GABRA3: variants seen among roughly 807,000 people sequenced by gnomAD.
The protein encoded by GABRA3 is gamma-aminobutyric acid type A receptor subunit alpha3.
In GABRA3, 10 loss-of-function variants were observed where a neutral mutation model predicts 30.1. The ratio of observed to expected loss-of-function variants is 0.33; its 90% confidence interval spans 0.20 to 0.56. The LOEUF is 0.56. Ranked by LOEUF, GABRA3 falls within the 20% of genes least tolerant of loss-of-function variation. GABRA3 has a pLI of 0.89. For synonymous variants in GABRA3, 151 were observed against 146.8 expected, an observed-to-expected ratio of 1.03 and a Z score of -0.21; for missense variants, 233 against 392.0, an observed-to-expected ratio of 0.59 and a Z score of 3.42.
intron 1 of GABRA3, among the ~76,000 whole-genome samples, chrX:152,385,538 AGGTTGCCT>A (rs1414082623): frequency 8.9e-6 from 1 of 111,961 alleles, no homozygotes; most frequent in Non-Finnish European, 1.9e-5. Context: ...CCCATTTTGT[AGGTTGCCT>A]GTTCACTCTG....
chrX:152,180,261 C>A (rs1016974102), intron 9 of GABRA3, among the ~76,000 whole-genome samples: 1 of 111,977 alleles, frequency 8.9e-6, no homozygotes, highest in African/African-American at 3.2e-5. Flanking sequence ...GAGGTGATAT[C>A]TCATTGTGGT....
chrX:152,373,211 T>A (rs1928891993), intron 1 of GABRA3, among the ~76,000 whole-genome samples: 1 of 111,684 alleles, frequency 9.0e-6, no homozygotes, highest in South Asian at 3.8e-4. Context: ...GCCATGATAG[T>A]TTGCTGCACA....
At chrX:152,175,721 G>C (rs185573098) in intron 9 of GABRA3, among the ~76,000 whole-genome samples, 10 of 111,363 alleles carry the variant, frequency 9.0e-5, no homozygotes, top group Non-Finnish European at 1.5e-4. Flanking sequence ...CATAGAGAAA[G>C]AATGGTAATG....
At chrX:152,232,133 A>G (rs2124388911) in intron 5 of GABRA3, among the ~76,000 whole-genome samples, 1 of 111,696 alleles carries the variant, frequency 9.0e-6, no homozygotes, top group Admixed American at 9.6e-5. Flanking sequence ...ATGTAAAATA[A>G]ATTTTATAAT....
rs200594582 is a variant in GABRA3, at chrX:152,168,584, G to C, written c.1144-21C>G. The stretch of plus-strand genomic sequence containing the variant: ...TTCTTCTAGAGGCCAGGAAAAAGAG[G>C]GGGGGAAAGGGAGAAAAAAGCAAAG... On this transcript the variant is annotated intron_variant, in intron 9 of 9. Coordinates refer to ENST00000370314, the MANE Select transcript of GABRA3 (RefSeq NM_000808.4). 209 of 1,115,295 alleles carry C rather than the reference G, an allele frequency of 1.9e-4. No homozygotes were observed. In the African/African-American group the frequency reaches 2.9e-3, roughly 16 times the overall value. 91.9% of individuals were successfully genotyped at this position (1,115,295 alleles called of 1,213,427 possible). A position where few individuals can be genotyped will look rare whatever the true frequency, so the allele number is the denominator to read the frequency against.
chrX:152,393,521 T>C (rs1319550913), intron 1 of GABRA3: 1 of 369,213 alleles, frequency 2.7e-6, no homozygotes, highest in African/African-American at 2.6e-5. Context: ...AAACCTACAA[T>C]ATAAAAGCAG....
intron 3 of GABRA3, among the ~76,000 whole-genome samples, chrX:152,319,885 A>C (rs1939935530): frequency 9.0e-6 from 1 of 111,411 alleles, no homozygotes; most frequent in Admixed American, 9.6e-5. Flanking sequence ...CAAGAAAAAA[A>C]CAAACAATTG....
Position 152,427,358 on chromosome X carries a change from T to G in GABRA3, c.-27+23788A>C, listed in dbSNP as rs764806330. ...TCCAGCCATACTGACCTTCTCTTAC[T>G]TCCTAGAATGCAGCATGAATTTTGC... On this transcript the variant is annotated intron_variant, in intron 1 of 9. Coordinates refer to ENST00000370314, the MANE Select transcript of GABRA3 (RefSeq NM_000808.4). Among the ~76,000 whole-genome samples, 55 of 111,718 alleles carry G rather than the reference T, an allele frequency of 4.9e-4. 1 individual carries two copies. The highest frequency in any genetic ancestry group is 1.8e-3 in the African/African-American group (54 of 30,750).
chrX:152,433,384 G>A (rs1376245453), intron 1 of GABRA3, among the ~76,000 whole-genome samples: 1 of 108,576 alleles, frequency 9.2e-6, no homozygotes, highest in Non-Finnish European at 1.9e-5. Context: ...AAATTCAAAA[G>A]AATCAACAAA....
chrX:152,370,494 A>G (rs1222044387), intron 1 of GABRA3, among the ~76,000 whole-genome samples: 1 of 112,286 alleles, frequency 8.9e-6, no homozygotes, highest in Admixed American at 9.4e-5. Context: ...CTTAGTTTCA[A>G]TTCTGGATAT....
At chrX:152,289,405 C>A (rs1325314853) in intron 3 of GABRA3, among the ~76,000 whole-genome samples, 1 of 109,561 alleles carries the variant, frequency 9.1e-6, no homozygotes, top group Non-Finnish European at 1.9e-5. Context: ...ATCCTTGTAC[C>A]CCTGTCTGCT....
At chrX:152,322,109 TAAAC>T (rs1284209822) in intron 3 of GABRA3, among the ~76,000 whole-genome samples, 2 of 112,113 alleles carry the variant, frequency 1.8e-5, no homozygotes, top group South Asian at 3.7e-4. Context: ...AATAAACAGA[TAAAC>T]AAATTGTGGT....
chrX:152,283,024 G>A (rs958281520), intron 4 of GABRA3, among the ~76,000 whole-genome samples: 1 of 111,450 alleles, frequency 9.0e-6, no homozygotes, highest in African/African-American at 3.3e-5. Flanking sequence ...GGTGAGTATG[G>A]TTGTCTCTGA....
chrX:152,181,755 G>A (rs1937151663), intron 9 of GABRA3, among the ~76,000 whole-genome samples: 1 of 109,238 alleles, frequency 9.2e-6, no homozygotes, highest in Non-Finnish European at 1.9e-5. Context: ...ACACCAGCAT[G>A]GCACATGTAT....
intron 3 of GABRA3, among the ~76,000 whole-genome samples, chrX:152,291,820 A>G (rs185925714): frequency 6.3e-5 from 7 of 111,748 alleles, no homozygotes; most frequent in African/African-American, 2.3e-4. Context: ...ATGTTTATTG[A>G]TTTGCATATG....
At chrX:152,355,802 G>A (rs1249713172) in intron 2 of GABRA3, among the ~76,000 whole-genome samples, 1 of 111,534 alleles carries the variant, frequency 9.0e-6, no homozygotes, top group African/African-American at 3.3e-5. Flanking sequence ...ACTTGACATT[G>A]TTCACGTACA....
At chrX:152,231,222 C>T (rs1031687224) in intron 5 of GABRA3, among the ~76,000 whole-genome samples, 8 of 106,321 alleles carry the variant, frequency 7.5e-5, no homozygotes, top group Admixed American at 3.0e-4. Flanking sequence ...TATACATACA[C>T]GTATATATAC....
chrX:152,391,264 A>G (rs1929474726), intron 1 of GABRA3, among the ~76,000 whole-genome samples: 1 of 111,939 alleles, frequency 8.9e-6, no homozygotes, highest in Non-Finnish European at 1.9e-5. Context: ...TTACACAACC[A>G]TAGTGTATGA....
At chrX:152,348,975 G>C (rs1361467337) in intron 2 of GABRA3, among the ~76,000 whole-genome samples, 2 of 111,355 alleles carry the variant, frequency 1.8e-5, no homozygotes, top group South Asian at 3.8e-4. Context: ...AATGAAGTTT[G>C]CCTCATCAAT....
Sources: allele counts gnomAD v4.1 joint callset (sites outside exome capture counted in the v4.1 genomes callset), GRCh38; gene constraint gnomAD v4.1.1; transcripts MANE v1.5; gene names NCBI Gene and HGNC (gene_info 2026-07-23, HGNC 2026-07-21).